Variants in SNX29 observed in about 807,000 individuals in gnomAD.
SNX29 encodes the protein sorting nexin 29, also known as sorting nexin-29.
A neutral mutation model predicts 102.1 loss-of-function variants in SNX29; 78 were observed. That is an observed-to-expected ratio of 0.76 (90% CI 0.64 to 0.92). The LOEUF (loss-of-function observed/expected upper bound fraction) is 0.92, where lower values mean the gene tolerates loss of function less well. SNX29 is among the 40% of genes least tolerant of loss of function. The probability of loss-of-function intolerance (pLI) is 0.00; values close to 1 mark genes in which losing one functional copy is unlikely to be tolerated. For missense variants in SNX29, 1,280 were observed against 1,061.7 expected (o/e 1.21, Z -2.86); for synonymous variants, 580 against 414.5 (o/e 1.40, Z -4.85).
chr16:12,031,511 T>C (rs555640683), intron 4 of SNX29, among the ~76,000 whole-genome samples: 19 of 147,658 alleles, frequency 1.3e-4, no homozygotes, highest in South Asian at 4.4e-4. Context: ...TATTCTCTCT[T>C]AAAAAAAAAA....
chr16:12,120,112 T>TA (rs1402094992), intron 11 of SNX29, among the ~76,000 whole-genome samples: 1 of 152,166 alleles, frequency 6.6e-6, no homozygotes, highest in African/African-American at 2.4e-5. Context: ...ATTTAAAAGT[T>TA]ACATTTTAGA....
intron 14 of SNX29, among the ~76,000 whole-genome samples, chr16:12,216,883 A>G (rs1231347366): frequency 1.3e-5 from 2 of 152,128 alleles, no homozygotes; most frequent in African/African-American, 2.4e-5. Context: ...TGCCCACGAC[A>G]CTTTCATGAG....
Position 12,569,697 on chromosome 16 carries a change from TG to T in SNX29, c.*1070del, listed in dbSNP as rs2079145031. 1 of 230,298 alleles carries T rather than the reference TG, an allele frequency of 4.3e-6. No individual in the cohort carries two copies. Among genetic ancestry groups the T allele is most frequent in the Non-Finnish European group, 8.6e-6 (1 of 116,236 alleles). 14.3% of individuals were successfully genotyped at this position (230,298 alleles called of 1,614,324 possible). A position where few individuals can be genotyped will look rare whatever the true frequency, so the allele number is the denominator to read the frequency against. The stretch of plus-strand genomic sequence containing the variant: ...CTCAGAGTACAGGGACCTTGGCAGG[TG>T]GAGAGGAGGATGGGGACCAGCAGCT... On this transcript the variant is annotated 3_prime_UTR_variant, in exon 21 of 21. Transcript: ENST00000566228.
chr16:12,376,449 G>C (rs2082876455), intron 16 of SNX29, among the ~76,000 whole-genome samples: 1 of 152,046 alleles, frequency 6.6e-6, no homozygotes, highest in African/African-American at 2.4e-5. Flanking sequence ...AAAATCTGTG[G>C]CAGGGGCCAG....
intron 14 of SNX29, among the ~76,000 whole-genome samples, chr16:12,251,702 C>G (rs1294408922): frequency 6.6e-6 from 1 of 152,080 alleles, no homozygotes; most frequent in East Asian, 1.9e-4. Flanking sequence ...GACTCTGTCT[C>G]CAAAACAAAA....
At chr16:12,351,053 A>G (rs966042312) in intron 15 of SNX29, among the ~76,000 whole-genome samples, 3 of 152,216 alleles carry the variant, frequency 2.0e-5, no homozygotes, top group African/African-American at 7.2e-5. Context: ...TGGAGGTTCA[A>G]ATCCCCACTC....
intron 13 of SNX29, among the ~76,000 whole-genome samples, chr16:12,130,950 GC>G (rs2054439537): frequency 6.6e-6 from 1 of 151,964 alleles, no homozygotes; most frequent in Non-Finnish European, 1.5e-5. Context: ...TACTAATAAT[GC>G]CACAGTGAAC....
At chr16:12,106,990 A>AT (rs1439532471) in intron 11 of SNX29, among the ~76,000 whole-genome samples, 1 of 149,522 alleles carries the variant, frequency 6.7e-6, no homozygotes, top group African/African-American at 2.5e-5. Context: ...TAATTTTGAA[A>AT]TTTTTTTTGT....
chr16:12,203,337 G>A (rs1485415992), intron 14 of SNX29, among the ~76,000 whole-genome samples: 1 of 152,042 alleles, frequency 6.6e-6, no homozygotes, highest in African/African-American at 2.4e-5. Flanking sequence ...TGCGTAGTGT[G>A]GCCCTGCTGT....
At position 12,571,489 on chromosome 16, in the gene SNX29, C is replaced by A. The variant is rs970690299; in HGVS notation, c.*2860C>A. 2.4e-5 allele frequency: 8 copies of A among 327,974 alleles called. No individual in the cohort carries two copies. The highest frequency in any genetic ancestry group is 1.3e-4 in the South Asian group (1 of 7,446). 20.3% of individuals were successfully genotyped at this position (327,974 alleles called of 1,614,324 possible). A position where few individuals can be genotyped will look rare whatever the true frequency, so the allele number is the denominator to read the frequency against. ...GCCCCCTCCCCTACTCAGAGAGGAA[C>A]GAGGGTGGCCCACCTCTCAAGGGCC... is the stretch of plus-strand genomic sequence containing the variant. On this transcript the variant is annotated 3_prime_UTR_variant, in exon 21 of 21. Coordinates refer to ENST00000566228, the MANE Select transcript of SNX29 (RefSeq NM_032167.5).
chr16:12,100,154 C>T (rs1300364856), intron 11 of SNX29, among the ~76,000 whole-genome samples: 1 of 152,176 alleles, frequency 6.6e-6, no homozygotes, highest in African/African-American at 2.4e-5. Context: ...GCTTTTCATC[C>T]TTCAGTCATT....
chr16:12,193,470 C>CAAAAAA lies in SNX29; in HGVS notation c.1596-6124_1596-6119dup, dbSNP rs369951476. ...GGCAACAAGAGTGAAACTCCATCTT[C>CAAAAAA]AAAAAAAAAAAAGAAAAAGTCTTTC... On this transcript the variant is annotated intron_variant, in intron 13 of 20. Coordinates refer to ENST00000566228, the MANE Select transcript of SNX29 (RefSeq NM_032167.5). Among the ~76,000 whole-genome samples, 361 of 137,328 alleles carry CAAAAAA rather than the reference C, an allele frequency of 2.6e-3. 6 individuals carry two copies. The highest frequency in any genetic ancestry group is 0.015 in the South Asian group (61 of 4,148). 90.1% of individuals were successfully genotyped at this position (137,328 alleles called of 152,430 possible).
At chr16:12,537,884 C>T (rs12597363) in intron 20 of SNX29, among the ~76,000 whole-genome samples, 2 of 151,496 alleles carry the variant, frequency 1.3e-5, no homozygotes, top group African/African-American at 2.4e-5. Context: ...TTTTGGGACG[C>T]TAAGGCAGGA....
At chr16:12,478,536 T>C (rs896416929) in intron 19 of SNX29, among the ~76,000 whole-genome samples, 1 of 152,230 alleles carries the variant, frequency 6.6e-6, no homozygotes, top group Non-Finnish European at 1.5e-5. Context: ...GGTTGATTAA[T>C]ATTATTCACT....
intron 15 of SNX29, among the ~76,000 whole-genome samples, chr16:12,339,979 AG>A (rs1349909547): frequency 2.6e-5 from 4 of 152,200 alleles, no homozygotes; most frequent in Non-Finnish European, 5.9e-5. Flanking sequence ...GCCAAAAAAG[AG>A]GGGAATTCAT....
rs1014124829 is a variant in SNX29, at chr16:12,466,215, G to T, written c.2038-11504G>T. ...AGCAGAAGTTAAATTCTCTCTATTT[G>T]CAGATGATATCATGTCATATAGAAA... On this transcript the variant is annotated intron_variant, in intron 18 of 20. Coordinates refer to ENST00000566228, the MANE Select transcript of SNX29 (RefSeq NM_032167.5). 2.6e-5 allele frequency among the ~76,000 whole-genome samples: 4 copies of T among 152,136 alleles called. No homozygotes were observed. The East Asian group carries it at 7.7e-4, about 29-fold the overall frequency.
intron 3 of SNX29, among the ~76,000 whole-genome samples, chr16:12,013,720 C>T (rs1338878752): frequency 6.6e-6 from 1 of 151,288 alleles, no homozygotes; most frequent in Admixed American, 6.6e-5. Flanking sequence ...TCTTGGCTCA[C>T]TGCAACCTCT....
intron 13 of SNX29, among the ~76,000 whole-genome samples, chr16:12,181,856 T>C (rs149836768): frequency 0.01 from 1,580 of 152,120 alleles, 13 homozygotes; most frequent in Non-Finnish European, 0.016. Flanking sequence ...CCTAGCGTTG[T>C]TGTAAATGCT....
intron 19 of SNX29, among the ~76,000 whole-genome samples, chr16:12,513,664 A>C (rs2089736101): frequency 6.6e-6 from 1 of 152,200 alleles, no homozygotes; most frequent in African/African-American, 2.4e-5. Context: ...TTCCTCATGA[A>C]TATTTGGGGC....
Sources: gnomAD v4.1 joint callset for allele counts (sites outside exome capture counted in the v4.1 genomes callset) on GRCh38, gnomAD v4.1.1 for gene constraint, MANE v1.5 for transcripts, NCBI Gene and HGNC (gene_info 2026-07-23, HGNC 2026-07-21) for gene names.